Variants in PSTPIP2 observed in about 807,000 individuals in gnomAD.
PSTPIP2 encodes proline-serine-threonine phosphatase interacting protein 2, also known as proline-serine-threonine phosphatase-interacting protein 2.
A neutral mutation model predicts 63.3 loss-of-function variants in PSTPIP2; 33 were observed. That is an observed-to-expected ratio of 0.52 (90% CI 0.40 to 0.70). The LOEUF (loss-of-function observed/expected upper bound fraction) is 0.70, where lower values mean the gene tolerates loss of function less well. Ranked by LOEUF, PSTPIP2 falls within the 30% of genes least tolerant of loss-of-function variation. PSTPIP2 has a pLI of 0.00. For synonymous variants in PSTPIP2, 125 were observed against 132.7 expected (o/e 0.94, Z 0.40); for missense variants, 312 against 400.7 (o/e 0.78, Z 1.89).
chr18:46,009,379 A>C (rs2051768682), intron 5 of PSTPIP2, among the ~76,000 whole-genome samples: 1 of 138,686 alleles, frequency 7.2e-6, no homozygotes, highest in Non-Finnish European at 1.5e-5. Flanking sequence ...AAAAAAAAAA[A>C]AAAAAAAAAA....
rs1482398211 is a variant in PSTPIP2 at position 45,985,148 on chromosome 18, T to C, written c.*311A>G. ...TCTGCTGCCACCTCTGCTCCTCAAG[T>C]GGATGCTCCAAATCCAGAAGTGGAT... is the stretch of plus-strand genomic sequence containing the variant. On this transcript the variant is annotated 3_prime_UTR_variant, in exon 15 of 15. Coordinates refer to ENST00000409746, the MANE Select transcript of PSTPIP2 (RefSeq NM_024430.4). The C allele has an allele frequency of 1.5e-5, 6 of 412,256 alleles. No individual in the cohort carries two copies. Among genetic ancestry groups the C allele is most frequent in the South Asian group, 3.6e-5 (1 of 27,684 alleles). 25.5% of individuals were successfully genotyped at this position (412,256 alleles called of 1,614,324 possible).
intron 1 of PSTPIP2, among the ~76,000 whole-genome samples, chr18:46,049,228 C>A (rs1027667153): frequency 1.3e-5 from 2 of 152,108 alleles, no homozygotes; most frequent in African/African-American, 4.8e-5. Context: ...CCAAATACCA[C>A]ACGTTCTCAT....
At chr18:46,041,154 G>C (rs565394869) in intron 1 of PSTPIP2, 4 of 436,010 alleles carry the variant, frequency 9.2e-6, no homozygotes, top group South Asian at 6.5e-5. Flanking sequence ...AGGAGTGGGA[G>C]AATGGGGCTG....
At chr18:46,012,454 G>T (rs886413517) in intron 4 of PSTPIP2, among the ~76,000 whole-genome samples, 1 of 152,102 alleles carries the variant, frequency 6.6e-6, no homozygotes, top group Non-Finnish European at 1.5e-5. Context: ...ACTCATTCAC[G>T]TCTATATGCA....
At chr18:46,038,470 G>A (rs918563519) in intron 2 of PSTPIP2, among the ~76,000 whole-genome samples, 3 of 152,124 alleles carry the variant, frequency 2.0e-5, no homozygotes, top group Admixed American at 6.5e-5. Flanking sequence ...ATTCCCAGGA[G>A]GAAATTTATA....
rs1429598941 is a variant in PSTPIP2, at chr18:46,001,618, G to A, written c.418-2084C>T. The stretch of plus-strand genomic sequence containing the variant: ...ATAACCATCACCACCATCCATCTCC[G>A]TAACTCTTTTTATCTTATAAAACTG... On this transcript the variant is annotated intron_variant, in intron 6 of 14. Coordinates refer to ENST00000409746, the MANE Select transcript of PSTPIP2 (RefSeq NM_024430.4). 5.3e-5 allele frequency among the ~76,000 whole-genome samples: 8 copies of A among 152,098 alleles called. No individual in the cohort carries two copies. The South Asian group carries it at 6.2e-4, about 12-fold the overall frequency.
At chr18:46,060,091 T>C (rs1029785665) in intron 1 of PSTPIP2, among the ~76,000 whole-genome samples, 1 of 152,330 alleles carries the variant, frequency 6.6e-6, no homozygotes, top group Admixed American at 6.5e-5. Flanking sequence ...AATAACTTTC[T>C]TTTAAACTTA....
chr18:46,047,928 A>G (rs1166555102), intron 1 of PSTPIP2, among the ~76,000 whole-genome samples: 1 of 152,254 alleles, frequency 6.6e-6, no homozygotes, highest in East Asian at 1.9e-4. Flanking sequence ...AGGGGGAATC[A>G]GTAATTTCAC....
chr18:46,072,024 G>C, intron 1 of PSTPIP2, 132 bp downstream of exon 1: 1 of 1,200,522 alleles, frequency 8.3e-7, no homozygotes. Flanking sequence ...TCACGCGCGA[G>C]CTCCGCCAAG....
At chr18:46,022,713 G>A (rs766052048) in intron 3 of PSTPIP2, among the ~76,000 whole-genome samples, 9 of 152,118 alleles carry the variant, frequency 5.9e-5, no homozygotes, top group Non-Finnish European at 1.0e-4. Context: ...TGTGTAAGAC[G>A]GAGTGTATTG....
intron 1 of PSTPIP2, among the ~76,000 whole-genome samples, chr18:46,041,238 T>C (rs1908181636): frequency 6.6e-6 from 1 of 151,996 alleles, no homozygotes; most frequent in African/African-American, 2.4e-5. Flanking sequence ...AATATATATA[T>C]ATGTTATGTT....
At chr18:46,047,294 G>T (rs1016539982) in intron 1 of PSTPIP2, among the ~76,000 whole-genome samples, 2 of 152,050 alleles carry the variant, frequency 1.3e-5, no homozygotes, top group African/African-American at 4.8e-5. Flanking sequence ...TATGTCCAGG[G>T]TTAGGTGCGG....
chr18:45,988,444 A>AAAAAAAAAAAAAAAAAC (rs2051489698), intron 14 of PSTPIP2, among the ~76,000 whole-genome samples: 1 of 151,896 alleles, frequency 6.6e-6, no homozygotes, highest in African/African-American at 2.4e-5. Context: ...CGAAAAAAAA[A>AAAAAAAAAAAAAAAAAC]AGCAGATAAA....
At chr18:46,027,327 AATAAATAAAT>A (rs1259042998) in intron 2 of PSTPIP2, among the ~76,000 whole-genome samples, 10 of 150,068 alleles carry the variant, frequency 6.7e-5, no homozygotes, top group African/African-American at 2.4e-4. Context: ...TAAATAAATA[AATAAATAAAT>A]AAATAAAAAT....
chr18:46,011,114 T>C (rs762807773), intron 5 of PSTPIP2, 67 bp downstream of exon 5: 10 of 1,331,418 alleles, frequency 7.5e-6, no homozygotes, highest in Non-Finnish European at 9.7e-6. Context: ...AGGAGTATAA[T>C]GAACAAACAA....
rs533562144 is a variant in PSTPIP2 at position 45,985,544 on chromosome 18, G to A, written c.*9-94C>T. On this transcript the variant is annotated intron_variant, in intron 14 of 14. Transcript: ENST00000409746. ...GAGTATATTCAACAAGAATAAGGGT[G>A]CAGGCCAAGGAAAACAAATGGTGAG... 2.2e-5 allele frequency: 29 copies of A among 1,345,450 alleles called. No individual in the cohort carries two copies. In the South Asian group the frequency reaches 3.2e-4, roughly 15 times the overall value. The allele number at this position is 1,345,450 out of a possible 1,614,324, so 83.3% of individuals were successfully genotyped here.
chr18:46,000,315 G>A lies in PSTPIP2; in HGVS notation c.418-781C>T, dbSNP rs190252963. Among the ~76,000 whole-genome samples, 14 of 152,268 alleles carry A rather than the reference G, an allele frequency of 9.2e-5. No homozygotes were observed. The East Asian group carries it at 2.3e-3, about 25-fold the overall frequency. ...CAATATTCACCACAGCATGTGAACA[G>A]CCGGCAGGTTACCAATGCCATCATT... On this transcript the variant is annotated intron_variant, in intron 6 of 14. Coordinates refer to ENST00000409746, the MANE Select transcript of PSTPIP2 (RefSeq NM_024430.4).
At chr18:46,020,167 T>C (rs1321855787) in intron 3 of PSTPIP2, among the ~76,000 whole-genome samples, 1 of 152,230 alleles carries the variant, frequency 6.6e-6, no homozygotes, top group Non-Finnish European at 1.5e-5. Flanking sequence ...GAATGGAATC[T>C]GAACCATGGG....
intron 1 of PSTPIP2, among the ~76,000 whole-genome samples, chr18:46,064,282 CTTTTTTTTTT>C (rs56236802): frequency 4.2e-5 from 3 of 71,540 alleles, no homozygotes; most frequent in South Asian, 5.8e-4. Context: ...CTTTTTCTTT[CTTTTTTTTTT>C]TTTTTTTTTT....
Sources: gnomAD v4.1 joint callset for allele counts (sites outside exome capture counted in the v4.1 genomes callset) on GRCh38, gnomAD v4.1.1 for gene constraint, MANE v1.5 for transcripts, NCBI Gene and HGNC (gene_info 2026-07-23, HGNC 2026-07-21) for gene names.